NTM: variants seen among roughly 807,000 people sequenced by gnomAD.
The protein encoded by NTM is neurotrimin, also known as IgLON family member 2.
Under a neutral mutation model 42.1 loss-of-function variants are expected in NTM, and 13 were observed. That is an observed-to-expected ratio of 0.31 (90% CI 0.20 to 0.49). The LOEUF (loss-of-function observed/expected upper bound fraction) is 0.49, where lower values mean the gene tolerates loss of function less well. Ranked by LOEUF, NTM falls within the 20% of genes least tolerant of loss-of-function variation. The probability of loss-of-function intolerance (pLI) is 0.99; values close to 1 mark genes in which losing one functional copy is unlikely to be tolerated. For synonymous variants in NTM, 187 were observed against 179.2 expected (o/e 1.04, Z -0.35); for missense variants, 373 against 452.8 (o/e 0.82, Z 1.60).
chr11:131,955,158 C>CT (rs1471031888), intron 2 of NTM, among the ~76,000 whole-genome samples: 1 of 152,158 alleles, frequency 6.6e-6, no homozygotes, highest in East Asian at 1.9e-4. Flanking sequence ...CCCTGAGCAC[C>CT]TCCACCCTCA....
intron 1 of NTM, among the ~76,000 whole-genome samples, chr11:131,755,965 T>C (rs1211415932): frequency 6.6e-6 from 1 of 152,240 alleles, no homozygotes; most frequent in East Asian, 1.9e-4. Context: ...ACTGCTTCTC[T>C]GCATTGGCCA....
At chr11:131,981,910 G>A (rs886421942) in intron 2 of NTM, among the ~76,000 whole-genome samples, 1 of 152,070 alleles carries the variant, frequency 6.6e-6, no homozygotes, top group African/African-American at 2.4e-5. Flanking sequence ...TACTTGGGAC[G>A]CTGAGGCAGG....
intron 1 of NTM, chr11:131,660,625 T>A (rs771610336): frequency 2.4e-5 from 11 of 457,006 alleles, no homozygotes; most frequent in South Asian, 1.6e-4. Context: ...GATCTCTGGG[T>A]CTGTGCACCC....
intron 2 of NTM, among the ~76,000 whole-genome samples, chr11:132,015,058 TG>T (rs2073130095): frequency 6.6e-6 from 1 of 152,046 alleles, no homozygotes. Context: ...CATTTTGAGA[TG>T]GTTTTTTGAT....
At chr11:131,642,625 C>T (rs2065272550) in intron 1 of NTM, among the ~76,000 whole-genome samples, 1 of 152,082 alleles carries the variant, frequency 6.6e-6, no homozygotes, top group Non-Finnish European at 1.5e-5. Context: ...TGATGCCTGT[C>T]CAGACACCCA....
chr11:132,287,134 C>G (rs2094274541), intron 4 of NTM, among the ~76,000 whole-genome samples: 1 of 152,190 alleles, frequency 6.6e-6, no homozygotes. Context: ...ATCATCCTCC[C>G]TTGTCAGATC....
chr11:131,541,501 A>G (rs1358073311), intron 1 of NTM, among the ~76,000 whole-genome samples: 2 of 152,216 alleles, frequency 1.3e-5, no homozygotes, highest in African/African-American at 4.8e-5. Flanking sequence ...ATGTAAACCT[A>G]GTCGATTTTG....
intron 1 of NTM, among the ~76,000 whole-genome samples, chr11:131,655,785 C>T (rs2067109280): frequency 1.3e-5 from 2 of 152,246 alleles, no homozygotes; most frequent in South Asian, 2.1e-4. Flanking sequence ...CAGCCAAGCT[C>T]TGTGTGAGGC....
intron 1 of NTM, among the ~76,000 whole-genome samples, chr11:131,460,430 GACA>G (rs1306866444): frequency 6.6e-6 from 1 of 152,182 alleles, no homozygotes; most frequent in Non-Finnish European, 1.5e-5. Context: ...ATGACATAAT[GACA>G]ACAATAATGA....
chr11:132,230,337 A>T (rs61314230), intron 4 of NTM, among the ~76,000 whole-genome samples: 16,141 of 152,280 alleles, frequency 0.11, 1,388 homozygotes, highest in African/African-American at 0.23. Context: ...TGAAGTAGGT[A>T]ATAATGTCAT....
At chr11:131,485,451 TCAA>T (rs1954070834) in intron 1 of NTM, among the ~76,000 whole-genome samples, 1 of 152,100 alleles carries the variant, frequency 6.6e-6, no homozygotes, top group Non-Finnish European at 1.5e-5. Flanking sequence ...CAATCTAATC[TCAA>T]CAACTCCAGG....
At chr11:131,823,542 G>A (rs1352336699) in intron 1 of NTM, among the ~76,000 whole-genome samples, 1 of 151,984 alleles carries the variant, frequency 6.6e-6, no homozygotes, top group Non-Finnish European at 1.5e-5. Flanking sequence ...TCTGGCTTTT[G>A]TTCTCTGTTA....
chr11:132,124,225 G>C (rs556344465), intron 2 of NTM, among the ~76,000 whole-genome samples: 39 of 152,194 alleles, frequency 2.6e-4, no homozygotes, highest in Admixed American at 2.2e-3. Context: ...ATCGGGCCAT[G>C]GGTTCTACTT....
At chr11:131,465,286 C>T (rs906176015) in intron 1 of NTM, among the ~76,000 whole-genome samples, 9 of 152,162 alleles carry the variant, frequency 5.9e-5, no homozygotes, top group Non-Finnish European at 1.2e-4. Context: ...CGGGTGCCTC[C>T]GTCCTCTAGG....
chr11:131,907,612 T>C (rs1173708054), intron 1 of NTM, among the ~76,000 whole-genome samples: 1 of 152,098 alleles, frequency 6.6e-6, no homozygotes, highest in East Asian at 1.9e-4. Flanking sequence ...GTACAGTATA[T>C]GTGTATGCAC....
At chr11:131,694,708 GA>G (rs2075218441) in intron 1 of NTM, among the ~76,000 whole-genome samples, 1 of 152,218 alleles carries the variant, frequency 6.6e-6, no homozygotes, top group African/African-American at 2.4e-5. Flanking sequence ...TGGACGTGTG[GA>G]CAGAGGAGCT....
chr11:132,168,930 A>G (rs575026615), intron 3 of NTM, among the ~76,000 whole-genome samples: 1 of 152,194 alleles, frequency 6.6e-6, no homozygotes, highest in Non-Finnish European at 1.5e-5. Flanking sequence ...CCTGGGATTC[A>G]GGTTGTAGTG....
chr11:131,494,578 G>A (rs1955139508), intron 1 of NTM, among the ~76,000 whole-genome samples: 3 of 152,162 alleles, frequency 2.0e-5, no homozygotes, highest in Non-Finnish European at 2.9e-5. Context: ...GACAGTCTGG[G>A]GCAAACTCAG....
At chr11:131,948,384 A>AAAAAAAG (rs61423292) in intron 2 of NTM, among the ~76,000 whole-genome samples, 3 of 147,518 alleles carry the variant, frequency 2.0e-5, no homozygotes, top group Non-Finnish European at 4.4e-5. Flanking sequence ...AAAAAAACAA[A>AAAAAAAG]AAAACAAAAA....
Sources: gnomAD v4.1 joint callset for allele counts (sites outside exome capture counted in the v4.1 genomes callset) on GRCh38, gnomAD v4.1.1 for gene constraint, MANE v1.5 for transcripts, NCBI Gene and HGNC (gene_info 2026-07-23, HGNC 2026-07-21) for gene names.